SYNE2: variants seen among roughly 807,000 people sequenced by gnomAD.
SYNE2 encodes nesprin-2.
In SYNE2, 431 loss-of-function variants were observed where a neutral mutation model predicts 856.3. The ratio of observed to expected loss-of-function variants is 0.50; its 90% CI spans 0.47 to 0.55. The LOEUF is 0.55. Among genes scored for constraint, SYNE2 ranks in the 20% least tolerant of loss-of-function variants. SYNE2 has a pLI of 0.00. For missense variants in SYNE2, 8,129 were observed against 8,023.2 expected (o/e 1.01, Z -0.50); for synonymous variants, 2,923 against 2,872.3 (o/e 1.02, Z -0.56).
chr14:64,225,108 T>TC, intron 115 of SYNE2, 63 bp downstream of exon 115: 1 of 1,593,408 alleles, frequency 6.3e-7, no homozygotes, highest in Admixed American at 1.7e-5. Context: ...TGACTCAGTC[T>TC]TGCCAATGCC....
chr14:64,208,914 A>G lies in SYNE2; in HGVS notation c.18358A>G (p.Ile6120Val). The part of the protein sequence containing the change: ...TRSLDRRWRN[I>V]CAMSMERRMK... ...GAGCCTGGACAGACGCTGGAGGAACATTTGTGCCATGTCCATGGAGCGGCG... is the reference window on the plus strand; with the variant it reads ...GAGCCTGGACAGACGCTGGAGGAACGTTTGTGCCATGTCCATGGAGCGGCG... The change falls in exon 101 of 116, where the codon ATT becomes GTT. Residue 6120 changes from isoleucine to valine, a missense_variant. Coordinates refer to ENST00000555002, the MANE Select transcript of SYNE2 (RefSeq NM_182914.3). 1.2e-6 allele frequency: 2 copies of G among 1,614,152 alleles called. No individual in the cohort carries two copies. Among genetic ancestry groups the G allele is most frequent in the Non-Finnish European group, 1.7e-6 (2 of 1,180,024 alleles).
rs1237731625 is a variant in SYNE2, at chr14:64,158,725, A to G, written c.15893A>G (p.Tyr5298Cys). 6.2e-7 allele frequency: 1 copy of G among 1,614,026 alleles called. No homozygotes were observed. Residue 5298 changes from tyrosine (Y) to cysteine (C), a missense_variant, in exon 86 of 116, where the codon TAC becomes TGC. By Grantham distance (194) the Tyr-to-Cys change is radical. Around this residue, in one of 3 missense-constraint regions of SYNE2, gnomAD observed 5,410 missense variants for 5,284.8 expected, o/e 1.02. Coordinates refer to ENST00000555002, the MANE Select transcript of SYNE2 (RefSeq NM_182914.3). Reference sequence around the variant, plus strand: ...AATATGATGACAATCCGATTCTGGTACTGCATGGAACACAGCAAGCCTGTG... The same window carrying G: ...AATATGATGACAATCCGATTCTGGTGCTGCATGGAACACAGCAAGCCTGTG... ...EVNMMTIRFW[Y>C]CMEHSKPVVL...
chr14:64,150,321 A>AAAAGGG (rs766798501), intron 84 of SYNE2, among the ~76,000 whole-genome samples: 1 of 119,418 alleles, frequency 8.4e-6, no homozygotes, highest in African/African-American at 3.2e-5. Flanking sequence ...AAAAAAAAAA[A>AAAAGGG]GGATCCTCCC....
intron 1 of SYNE2, among the ~76,000 whole-genome samples, chr14:63,802,474 G>A (rs548099523): frequency 1.1e-4 from 16 of 152,208 alleles, no homozygotes; most frequent in African/African-American, 3.6e-4. Flanking sequence ...ATGAGACATT[G>A]GACTTGTACT....
At chr14:64,116,454 C>G (rs960450517) in intron 66 of SYNE2, among the ~76,000 whole-genome samples, 1 of 152,104 alleles carries the variant, frequency 6.6e-6, no homozygotes, top group Non-Finnish European at 1.5e-5. Context: ...AAGTCTCGCT[C>G]TCACCCAGGC....
At position 64,170,479 on chromosome 14, in the gene SYNE2, A is replaced by G. The variant is rs2098405461; in HGVS notation, c.17235+17A>G. On this transcript the variant is annotated intron_variant, in intron 94 of 115. Coordinates refer to ENST00000555002, the MANE Select transcript of SYNE2 (RefSeq NM_182914.3). ...GAGCTGAAGGTAGTGTATGCATCGT[A>G]GCAGTGTGAGAACCACAGGGTGGTC... 1.3e-6 allele frequency: 2 copies of G among 1,593,686 alleles called. No individual in the cohort carries two copies. The highest frequency in any genetic ancestry group is 1.7e-6 in the Non-Finnish European group (2 of 1,168,278).
chr14:64,087,087 A>C (rs1324580062), intron 57 of SYNE2, among the ~76,000 whole-genome samples: 1 of 61,016 alleles, frequency 1.6e-5, no homozygotes, highest in Non-Finnish European at 3.3e-5. Context: ...TGTCAGTGAT[A>C]ATTGGTAAAA....
At chr14:64,199,600 C>T (rs754864322) in intron 99 of SYNE2, among the ~76,000 whole-genome samples, 13 of 151,706 alleles carry the variant, frequency 8.6e-5, no homozygotes, top group Admixed American at 6.6e-5. Context: ...TGCCTGTAAT[C>T]CCAGCTACTC....
chr14:63,814,537 A>T (rs1888769990), intron 1 of SYNE2, among the ~76,000 whole-genome samples: 1 of 140,300 alleles, frequency 7.1e-6, no homozygotes, highest in Admixed American at 7.6e-5. Context: ...ATCCATATAT[A>T]ATATATATAT....
intron 104 of SYNE2, 81 bp from the exon 105 acceptor site, chr14:64,212,730 C>T (rs764265492): frequency 3.0e-6 from 4 of 1,319,488 alleles, no homozygotes; most frequent in Non-Finnish European, 4.4e-6. Flanking sequence ...GGATGCTTTT[C>T]TATGGCCCTG....
Position 64,053,427 on chromosome 14 carries a change from T to C in SYNE2, c.9514T>C (p.Leu3172=), listed in dbSNP as rs2097242474. The part of the protein sequence containing the change: ...LHVLNQIKSQ[L]QQPLLINLEI... ...TGTTTTAAATCAGATAAAATCTCAA[T>C]TACAGCAGCCATTACTTATAAATTT... Residue 3172 remains leucine, a synonymous_variant, in exon 48 of 116, where the codon TTA becomes CTA. Coordinates refer to ENST00000555002, the MANE Select transcript of SYNE2 (RefSeq NM_182914.3). 6.2e-7 allele frequency: 1 copy of C among 1,613,180 alleles called. No individual in the cohort carries two copies.
intron 100 of SYNE2, chr14:64,204,382 CCT>C (rs1368504596): frequency 6.6e-6 from 1 of 152,140 alleles, no homozygotes; most frequent in Non-Finnish European, 1.5e-5. Context: ...AACAATTTAC[CCT>C]GAGTGGTGAG....
intron 1 of SYNE2, among the ~76,000 whole-genome samples, chr14:63,792,893 G>T (rs1887786463): frequency 6.6e-6 from 1 of 152,024 alleles, no homozygotes; most frequent in Non-Finnish European, 1.5e-5. Flanking sequence ...TGCCCAGGCT[G>T]GTCTTGAACT....
intron 1 of SYNE2, among the ~76,000 whole-genome samples, chr14:63,798,328 G>A (rs1595119678): frequency 6.6e-6 from 1 of 151,540 alleles, no homozygotes; most frequent in South Asian, 2.1e-4. Flanking sequence ...AGAATTACAG[G>A]TGTGACCCTC....
chr14:63,940,720 T>A (rs1352736461), intron 3 of SYNE2, 45 bp downstream of exon 3: 20 of 1,548,924 alleles, frequency 1.3e-5, no homozygotes, highest in Non-Finnish European at 1.8e-5. Context: ...TATTTATTAC[T>A]CCCCCTACTC....
intron 1 of SYNE2, among the ~76,000 whole-genome samples, chr14:63,872,512 T>C (rs1241698110): frequency 6.6e-6 from 1 of 151,846 alleles, no homozygotes; most frequent in Non-Finnish European, 1.5e-5. Flanking sequence ...TCCCAGCACT[T>C]TGGGAGGCCG....
chr14:64,167,787 A>G, intron 92 of SYNE2, 148 bp downstream of exon 92: 26 of 1,067,788 alleles, frequency 2.4e-5, no homozygotes, highest in Non-Finnish European at 3.4e-5. Flanking sequence ...TCAATTGGTC[A>G]TTTGTAAAAT....
At chr14:63,925,978 C>A (rs114033090) in intron 2 of SYNE2, among the ~76,000 whole-genome samples, 2 of 151,922 alleles carry the variant, frequency 1.3e-5, no homozygotes, top group Non-Finnish European at 2.9e-5. Flanking sequence ...CTCAGCCCCC[C>A]AAACAGGTGC....
chr14:64,039,310 A>G (rs2097129035), intron 45 of SYNE2, among the ~76,000 whole-genome samples: 2 of 152,214 alleles, frequency 1.3e-5, no homozygotes, highest in South Asian at 2.1e-4. Flanking sequence ...TGAATGGGAA[A>G]AGGGATAGTG....
Sources: allele counts gnomAD v4.1 joint callset (sites outside exome capture counted in the v4.1 genomes callset), GRCh38; gene constraint gnomAD v4.1.1; regional missense constraint gnomAD v4.1.1; transcripts MANE v1.5; gene names NCBI Gene and HGNC (gene_info 2026-07-23, HGNC 2026-07-21).